Variants in CLDN14 observed in about 807,000 individuals in gnomAD.
CLDN14 encodes the protein claudin-14.
Under a neutral mutation model 2.1 loss-of-function variants are expected in CLDN14, and 2 were observed. The ratio of observed to expected loss-of-function variants is 0.96; its 90% CI spans 0.39 to 3.01. The LOEUF is 3.01. CLDN14 is among the 30% of genes most tolerant of loss of function. CLDN14 has a pLI of 0.09. For synonymous variants in CLDN14, 136 were observed against 154.4 expected (o/e 0.88, Z 0.88); for missense variants, 298 against 328.0 (o/e 0.91, Z 0.71).
chr21:36,573,966 ATTG>A (rs2087725833), intron 1 of CLDN14, among the ~76,000 whole-genome samples: 1 of 152,192 alleles, frequency 6.6e-6, no homozygotes. Flanking sequence ...AAGACTTAAT[ATTG>A]TTAAGATGTC....
chr21:36,544,406 G>T lies in CLDN14; in HGVS notation c.-220+32005C>A, dbSNP rs901585186. Among the ~76,000 whole-genome samples the T allele has an allele frequency of 6.6e-6, 1 of 152,204 alleles. No individual in the cohort carries two copies. The highest frequency in any genetic ancestry group is 1.5e-5 in the Non-Finnish European group (1 of 68,038). ...GCTGGATTGTGGGTGTCTTACATTTGCTCATCCTCCAAGACTAGAACAAAG... is the reference window on the plus strand; with the variant it reads ...GCTGGATTGTGGGTGTCTTACATTTTCTCATCCTCCAAGACTAGAACAAAG... On this transcript the variant is annotated intron_variant, in intron 1 of 2. Transcript: ENST00000342108. This position sits in a 1 kb window ranked among gnomAD's most constrained non-coding sequence, Gnocchi z 4.1.
intron 1 of CLDN14, among the ~76,000 whole-genome samples, chr21:36,535,679 G>A (rs1568873101): frequency 6.6e-6 from 1 of 152,172 alleles, no homozygotes; most frequent in Non-Finnish European, 1.5e-5. Flanking sequence ...AGTCCACAGA[G>A]AGTGGCTCTG....
chr21:36,573,437 G>A (rs1053004659), intron 1 of CLDN14, among the ~76,000 whole-genome samples: 1 of 152,052 alleles, frequency 6.6e-6, no homozygotes, highest in African/African-American at 2.4e-5. Flanking sequence ...TTTAAGTCTG[G>A]GTATTATGTA....
chr21:36,498,992 T>C lies in CLDN14; in HGVS notation c.-82+11371A>G, dbSNP rs887778860. Among the ~76,000 whole-genome samples the C allele has an allele frequency of 2.6e-5, 4 of 152,194 alleles. No homozygotes were observed. Among genetic ancestry groups the C allele is most frequent in the Non-Finnish European group, 4.4e-5 (3 of 68,030 alleles). On this transcript the variant is annotated intron_variant, in intron 2 of 2. Coordinates refer to the CLDN14 transcript ENST00000342108. This position sits in a 1 kb window ranked among gnomAD's most constrained non-coding sequence, Gnocchi z 4.9. Reference sequence around the variant, plus strand: ...TCCTCTTGCACTCCATCCATCTGGATGAAGCACCTTTATTTTCTAATTTGG... The same window carrying C: ...TCCTCTTGCACTCCATCCATCTGGACGAAGCACCTTTATTTTCTAATTTGG...
intron 1 of CLDN14, among the ~76,000 whole-genome samples, chr21:36,557,455 A>T (rs73206272): frequency 0.1 from 15,199 of 152,056 alleles, 1,009 homozygotes; most frequent in Non-Finnish European, 0.15. Context: ...GCCAACTCTT[A>T]TCTTAAAAAA....
chr21:36,473,350 G>C lies in CLDN14; in HGVS notation c.-82+6145C>G, dbSNP rs555801498. Among the ~76,000 whole-genome samples the C allele has an allele frequency of 1.2e-4, 18 of 152,000 alleles. No homozygotes were observed. In the South Asian group the frequency reaches 3.5e-3, roughly 30 times the overall value. ...AATCCTCCAACCTTGGCCTCCCAAG[G>C]CTGTTGGAATTACAGGTGTGAGCCA... is the stretch of plus-strand genomic sequence containing the variant. On this transcript the variant is annotated intron_variant, in intron 1 of 1. Transcript: ENST00000399135.
At chr21:36,514,101 C>T (rs368275571) in intron 1 of CLDN14, among the ~76,000 whole-genome samples, 2 of 152,150 alleles carry the variant, frequency 1.3e-5, no homozygotes, top group Admixed American at 1.3e-4. Context: ...AGTGATCCTC[C>T]TGCCTCAGCC....
chr21:36,543,539 ATACT>A (rs2087506646), intron 1 of CLDN14, among the ~76,000 whole-genome samples: 1 of 152,216 alleles, frequency 6.6e-6, no homozygotes, highest in Non-Finnish European at 1.5e-5. Context: ...TTTGATAGTA[ATACT>A]TACCAAACAC....
intron 1 of CLDN14, among the ~76,000 whole-genome samples, chr21:36,540,702 C>T (rs1263457936): frequency 6.6e-6 from 1 of 151,990 alleles, no homozygotes; most frequent in Non-Finnish European, 1.5e-5. Flanking sequence ...TTGTGAGGTA[C>T]CTAAGAGTGG....
intron 1 of CLDN14, among the ~76,000 whole-genome samples, chr21:36,469,783 C>G (rs1296944643): frequency 3.3e-5 from 5 of 152,168 alleles, no homozygotes; most frequent in Admixed American, 2.0e-4. Context: ...GAGGCATTAT[C>G]TCTCTCATTT....
intron 1 of CLDN14, among the ~76,000 whole-genome samples, chr21:36,521,315 AG>A (rs1292278124): frequency 1.3e-5 from 2 of 152,096 alleles, no homozygotes; most frequent in African/African-American, 4.8e-5. Context: ...TAACTTGGAG[AG>A]GAGTGGCAAT....
upstream of CLDN14, among the ~76,000 whole-genome samples, chr21:36,483,483 T>C (rs985276544): frequency 1.3e-5 from 2 of 152,180 alleles, no homozygotes; most frequent in African/African-American, 2.4e-5. Context: ...CTGTGTCCAG[T>C]GAGGCCTAGA....
intron 1 of CLDN14, among the ~76,000 whole-genome samples, chr21:36,529,188 G>A (rs773233491): frequency 2.6e-5 from 4 of 152,108 alleles, no homozygotes; most frequent in Non-Finnish European, 2.9e-5. Flanking sequence ...TGCTTTCCCC[G>A]ATCTCAACTT....
At chr21:36,530,143 C>A (rs1392511372) in intron 1 of CLDN14, among the ~76,000 whole-genome samples, 1 of 152,194 alleles carries the variant, frequency 6.6e-6, no homozygotes, top group African/African-American at 2.4e-5. Flanking sequence ...TTTAAAAAAA[C>A]AAACCCTTGT....
chr21:36,537,515 T>C (rs1242241787), intron 1 of CLDN14, among the ~76,000 whole-genome samples: 1 of 152,230 alleles, frequency 6.6e-6, no homozygotes, highest in East Asian at 1.9e-4. Context: ...TAAAAATTAA[T>C]GTTATGAGGT....
rs2086563319 is a variant in CLDN14, at chr21:36,461,114, G to A, written c.582C>T (p.Tyr194=). ...SCQDEAPYRP[Y]QAPPRATTTT... ...TCGTGGTGGCCCTGGGCGGGGCCTGGTAGGGCCTGTAGGGTGCCTCGTCCT... is the reference window on the plus strand; with the variant it reads ...TCGTGGTGGCCCTGGGCGGGGCCTGATAGGGCCTGTAGGGTGCCTCGTCCT... Residue 194 remains tyrosine (Y), a synonymous_variant, in exon 2 of 2, where the codon TAC becomes TAT. Coordinates refer to ENST00000399135, the MANE Select transcript of CLDN14 (RefSeq NM_001146079.2). 2 of 1,613,994 alleles carry A rather than the reference G, an allele frequency of 1.2e-6. No individual in the cohort carries two copies. The highest frequency in any genetic ancestry group is 1.7e-6 in the Non-Finnish European group (2 of 1,179,862).
At chr21:36,509,091 T>TTA (rs995351969) in intron 2 of CLDN14, among the ~76,000 whole-genome samples, 2 of 152,336 alleles carry the variant, frequency 1.3e-5, no homozygotes, top group Admixed American at 6.5e-5. Context: ...AACCAATAGT[T>TTA]TAAACAGTGT....
At chr21:36,486,531 C>G (rs770882487) in intron 2 of CLDN14, 2 of 1,564,780 alleles carry the variant, frequency 1.3e-6, no homozygotes, top group Non-Finnish European at 1.8e-6. Flanking sequence ...CCCCCTTCCC[C>G]AGCCAAAATC....
chr21:36,476,021 A>G (rs188996501), intron 1 of CLDN14, among the ~76,000 whole-genome samples: 3 of 152,150 alleles, frequency 2.0e-5, no homozygotes, highest in African/African-American at 7.2e-5. Context: ...AGAGTCCAAA[A>G]CGGTTTAACA....
Sources: allele counts gnomAD v4.1 joint callset (sites outside exome capture counted in the v4.1 genomes callset), GRCh38; gene constraint gnomAD v4.1.1; non-coding constraint Gnocchi (gnomAD v3.1); transcripts MANE v1.5; gene names NCBI Gene and HGNC (gene_info 2026-07-23, HGNC 2026-07-21).